Variants in ANKLE2 observed in about 807,000 individuals in gnomAD.
ANKLE2 encodes the protein ankyrin repeat and LEM domain containing 2, also known as ankyrin repeat and LEM domain-containing protein 2.
In ANKLE2, 55 loss-of-function variants were observed where a neutral mutation model predicts 84.2. That is an observed-to-expected ratio of 0.65 (90% CI 0.53 to 0.82). The LOEUF (loss-of-function observed/expected upper bound fraction) is 0.82. ANKLE2 is among the 40% of genes least tolerant of loss of function. The pLI, the probability that ANKLE2 is intolerant of heterozygous loss-of-function variation, is 0.00. For synonymous variants in ANKLE2, 551 were observed against 486.1 expected (o/e 1.13, Z -1.76); for missense variants, 1,238 against 1,201.9 (o/e 1.03, Z -0.44).
intron 2 of ANKLE2, among the ~76,000 whole-genome samples, chr12:132,753,630 G>C (rs1031367583): frequency 1.3e-5 from 2 of 152,064 alleles, no homozygotes; most frequent in South Asian, 2.1e-4. Context: ...AAATTAGCTG[G>C]GTATGGTGGC....
intron 12 of ANKLE2, among the ~76,000 whole-genome samples, chr12:132,727,732 G>A (rs2043738958): frequency 6.6e-6 from 1 of 152,230 alleles, no homozygotes; most frequent in Non-Finnish European, 1.5e-5. Flanking sequence ...GGCACCGCGG[G>A]CACTGGGAGA....
intron 1 of ANKLE2, chr12:132,758,919 G>GTATCAGTGTGCAAGTTTAAC (rs1566041394): frequency 4.1e-5 from 6 of 145,938 alleles, no homozygotes; most frequent in African/African-American, 1.3e-4. Flanking sequence ...GCACCCCGGG[G>GTATCAGTGTGCAAGTTTAAC]CACCCACGTG....
chr12:132,748,468 G>A (rs922393139), intron 3 of ANKLE2, 137 bp from the exon 4 acceptor site: 34 of 937,244 alleles, frequency 3.6e-5, no homozygotes, highest in Admixed American at 3.1e-4. Context: ...GAGAAAAGAC[G>A]AGAAGGGCCC....
chr12:132,734,725 C>G (rs2043972087), intron 9 of ANKLE2, 150 bp from the exon 10 acceptor site: 19 of 752,272 alleles, frequency 2.5e-5, no homozygotes, highest in Non-Finnish European at 3.5e-5. Flanking sequence ...CAGCTGAAAT[C>G]ATACGGTGCA....
intron 5 of ANKLE2, among the ~76,000 whole-genome samples, chr12:132,744,868 G>A (rs1411507168): frequency 2.0e-5 from 3 of 152,176 alleles, no homozygotes; most frequent in Non-Finnish European, 4.4e-5. Flanking sequence ...TTTTAGTAGA[G>A]ACGGGGTTTC....
At chr12:132,745,832 C>T (rs1350666151) in intron 5 of ANKLE2, 6 of 154,940 alleles carry the variant, frequency 3.9e-5, no homozygotes, top group East Asian at 1.9e-4. Flanking sequence ...AGCAACAAAG[C>T]GGCCAGCCAG....
chr12:132,755,475 G>A (rs951765587), intron 1 of ANKLE2: 13 of 172,742 alleles, frequency 7.5e-5, no homozygotes, highest in South Asian at 3.1e-4. Context: ...AACCCAGGAG[G>A]CGGAGGCTGC....
At chr12:132,729,215 G>A (rs911411355) in intron 11 of ANKLE2, among the ~76,000 whole-genome samples, 1 of 148,180 alleles carries the variant, frequency 6.7e-6, no homozygotes, top group African/African-American at 2.5e-5. Context: ...GCTAGACGTG[G>A]TGGCAGGCGC....
At chr12:132,727,504 A>T (rs1157330784) in intron 12 of ANKLE2, 61 bp from the exon 13 acceptor site, 48 of 1,428,866 alleles carry the variant, frequency 3.4e-5, no homozygotes, top group Non-Finnish European at 4.3e-5. Flanking sequence ...GAACAGCAAA[A>T]GTCGGAGAAT....
chr12:132,757,356 A>T (rs1314240870), intron 1 of ANKLE2: 1 of 152,280 alleles, frequency 6.6e-6, no homozygotes, highest in Non-Finnish European at 1.5e-5. Flanking sequence ...TAAGCATCTC[A>T]GACTCTATGA....
At chr12:132,736,514 T>C (rs144335233) in intron 8 of ANKLE2, among the ~76,000 whole-genome samples, 3 of 152,118 alleles carry the variant, frequency 2.0e-5, no homozygotes, top group Admixed American at 1.3e-4. Context: ...GGTCAGGAGG[T>C]GGACGTGCAG....
rs1402277404 is a variant in ANKLE2 at position 132,754,668 on chromosome 12, C to T, written c.640+7G>A. The stretch of plus-strand genomic sequence containing the variant: ...GTGTGAGGAAATCCTACACACGGTC[C>T]CATTACCATTTCTCGCTGGGACGTC... On this transcript the variant is annotated splice_region_variant and intron_variant, in intron 2 of 12. Transcript: ENST00000357997. 20 of 1,594,898 alleles carry T rather than the reference C, an allele frequency of 1.3e-5. No homozygotes were observed. The highest frequency in any genetic ancestry group is 1.7e-5 in the Non-Finnish European group (20 of 1,168,670).
At position 132,727,449 on chromosome 12, in the gene ANKLE2, G is replaced by A; in HGVS notation, c.2616-6C>T. 7 of 1,552,126 alleles carry A rather than the reference G, an allele frequency of 4.5e-6. No individual in the cohort carries two copies. The highest frequency in any genetic ancestry group is 6.1e-6 in the Non-Finnish European group (7 of 1,147,836). ...TCACCGCGGGACTGGGCCAACTGCG[G>A]AAAGCAAGAAAGAACTGTTAGCAGA... On this transcript the variant is annotated splice_region_variant and splice_polypyrimidine_tract_variant and intron_variant, in intron 12 of 12. Transcript: ENST00000357997.
At chr12:132,752,719 T>C (rs1419980082) in intron 2 of ANKLE2, among the ~76,000 whole-genome samples, 1 of 152,162 alleles carries the variant, frequency 6.6e-6, no homozygotes, top group Non-Finnish European at 1.5e-5. Context: ...ATTCTATTCA[T>C]AGTGTTTAAC....
At chr12:132,756,649 C>T (rs369364354) in intron 1 of ANKLE2, 12 of 152,212 alleles carry the variant, frequency 7.9e-5, no homozygotes, top group African/African-American at 1.9e-4. Context: ...TAAGTAAAGC[C>T]GGGTGCGGTG....
intron 7 of ANKLE2, chr12:132,738,739 T>G (rs1379235189): frequency 6.6e-6 from 1 of 152,140 alleles, no homozygotes; most frequent in East Asian, 1.9e-4. Context: ...TTAGCCAGGA[T>G]GGTCTCGATC....
Position 132,727,090 on chromosome 12 carries a change from T to C in ANKLE2, c.*152A>G, listed in dbSNP as rs1309765764. The C allele has an allele frequency of 1.4e-5, 12 of 828,532 alleles. No individual in the cohort carries two copies. Among genetic ancestry groups the C allele is most frequent in the Admixed American group, 3.0e-5 (1 of 33,134 alleles). The allele number at this position is 828,532 out of a possible 1,614,324, so 51.3% of individuals were successfully genotyped here. On this transcript the variant is annotated 3_prime_UTR_variant, in exon 13 of 13. Coordinates refer to ENST00000357997, the MANE Select transcript of ANKLE2 (RefSeq NM_015114.3). The stretch of plus-strand genomic sequence containing the variant: ...CAAAATATCAGAAATCTAAGTGTTA[T>C]ATAGAACATTTAAATCTTCTAAAAT...
rs748801442 is a variant in ANKLE2, at chr12:132,754,905, A to C, written c.410T>G (p.Ile137Ser). ...TGGGTTCCCTTCAGCTGGCTTCAAAATCCTTTGTGGGTCCTGGCTGAGAGC... is the reference window on the plus strand; with the variant it reads ...TGGGTTCCCTTCAGCTGGCTTCAAACTCCTTTGTGGGTCCTGGCTGAGAGC... ...VTALSQDPQRILKPAEGNPTD... is the reference protein window; with the variant it reads ...VTALSQDPQRSLKPAEGNPTD... Residue 137 changes from isoleucine to serine, a missense_variant, in exon 2 of 13, where the codon ATT (isoleucine) becomes AGT (serine). This residue lies in a region of ANKLE2 where 422 missense variants were observed against 394.5 expected (regional missense o/e 1.07). Coordinates refer to ENST00000357997, the MANE Select transcript of ANKLE2 (RefSeq NM_015114.3). 39 of 1,613,994 alleles carry C rather than the reference A, an allele frequency of 2.4e-5. No individual in the cohort carries two copies. The African/African-American group carries it at 3.3e-4, about 14-fold the overall frequency.
At chr12:132,734,017 C>G (rs544691362) in intron 10 of ANKLE2, 36 of 462,998 alleles carry the variant, frequency 7.8e-5, no homozygotes, top group African/African-American at 6.2e-4. Context: ...TCTAGTGGAT[C>G]ACGAGGTCAG....
Sources: allele counts gnomAD v4.1 joint callset (sites outside exome capture counted in the v4.1 genomes callset), GRCh38; gene constraint gnomAD v4.1.1; regional missense constraint gnomAD v4.1.1; transcripts MANE v1.5; gene names NCBI Gene and HGNC (gene_info 2026-07-23, HGNC 2026-07-21).